Variants in USP48 observed in about 807,000 individuals in gnomAD.
USP48 encodes the protein ubiquitin carboxyl-terminal hydrolase 48.
Under a neutral mutation model 150.7 loss-of-function variants are expected in USP48, and 43 were observed. The observed-to-expected ratio is 0.29, with a 90% CI of 0.22 to 0.37. The LOEUF (loss-of-function observed/expected upper bound fraction) is 0.37, where lower values mean the gene tolerates loss of function less well. Among genes scored for constraint, USP48 ranks in the 10% least tolerant of loss-of-function variants. The pLI, the probability that USP48 is intolerant of heterozygous loss-of-function variation, is 1.00. For missense variants in USP48, 813 were observed against 1,249.6 expected (o/e 0.65, Z 5.27); for synonymous variants, 396 against 425.9 (o/e 0.93, Z 0.86).
intron 8 of USP48, among the ~76,000 whole-genome samples, chr1:21,738,241 A>T (rs975848352): frequency 2.0e-5 from 3 of 151,916 alleles, no homozygotes; most frequent in Non-Finnish European, 4.4e-5. Context: ...TATTTTTAGT[A>T]GAGACGGGGT....
At chr1:21,751,685 C>T (rs1236542947) in intron 5 of USP48, 70 bp from the exon 6 acceptor site, 5 of 1,154,318 alleles carry the variant, frequency 4.3e-6, no homozygotes, top group Non-Finnish European at 5.1e-6. Flanking sequence ...TGTATTACAT[C>T]CTAGAAAGAT....
At chr1:21,781,117 G>A (rs1037634996) in intron 1 of USP48, among the ~76,000 whole-genome samples, 16 of 138,674 alleles carry the variant, frequency 1.2e-4, no homozygotes, top group Non-Finnish European at 1.9e-4. Flanking sequence ...ACGCTGTCTC[G>A]AAAAAAAAAA....
chr1:21,777,458 G>A (rs2152655635), intron 1 of USP48, among the ~76,000 whole-genome samples: 1 of 152,104 alleles, frequency 6.6e-6, no homozygotes, highest in Non-Finnish European at 1.5e-5. Context: ...TGAGGCTAAA[G>A]GTTCAAGGTC....
chr1:21,756,940 A>G, intron 2 of USP48: 1 of 985,418 alleles, frequency 1.0e-6, no homozygotes, highest in Non-Finnish European at 1.2e-6. Flanking sequence ...TCTCTAGCAT[A>G]TCGTCTTCTC....
At chr1:21,732,326 C>T (rs978440892) in intron 9 of USP48, among the ~76,000 whole-genome samples, 7 of 152,082 alleles carry the variant, frequency 4.6e-5, no homozygotes, top group African/African-American at 1.4e-4. Context: ...ATCCAGTTAC[C>T]AGATCCTCAA....
At chr1:21,744,106 C>T (rs2097788385) in intron 8 of USP48, among the ~76,000 whole-genome samples, 1 of 152,142 alleles carries the variant, frequency 6.6e-6, no homozygotes, top group South Asian at 2.1e-4. Flanking sequence ...ACCATTCTTG[C>T]AGATAACCTG....
intron 9 of USP48, among the ~76,000 whole-genome samples, chr1:21,735,990 G>A (rs2097768091): frequency 6.6e-6 from 1 of 152,088 alleles, no homozygotes; most frequent in African/African-American, 2.4e-5. Context: ...CACGAGAACT[G>A]CTTGAACCCA....
At chr1:21,770,426 G>A (rs1320252717) in intron 1 of USP48, among the ~76,000 whole-genome samples, 3 of 151,836 alleles carry the variant, frequency 2.0e-5, no homozygotes, top group Non-Finnish European at 4.4e-5. Flanking sequence ...TTTTGATCTT[G>A]GTGGTAGATA....
At chr1:21,712,703 A>T (rs1015053514) in intron 15 of USP48, among the ~76,000 whole-genome samples, 6 of 144,822 alleles carry the variant, frequency 4.1e-5, no homozygotes, top group African/African-American at 1.6e-4. Flanking sequence ...ATCTTGGCTC[A>T]CTGCAACCTC....
rs1437350006 is a variant in USP48, at chr1:21,689,955, T to G, written c.3009+19A>C. ...CATGTAAAACCTTGAGTTCTTCAGC[T>G]AAGGAGCTGTTTACTTACCTTCAAT... On this transcript the variant is annotated intron_variant, in intron 24 of 26. Transcript: ENST00000308271. The G allele has an allele frequency of 6.2e-7, 1 of 1,612,688 alleles. No individual in the cohort carries two copies. Among genetic ancestry groups the G allele is most frequent in the Non-Finnish European group, 8.5e-7 (1 of 1,179,402 alleles).
intron 26 of USP48, among the ~76,000 whole-genome samples, chr1:21,680,061 T>C (rs1425343070): frequency 1.3e-5 from 2 of 152,226 alleles, no homozygotes; most frequent in African/African-American, 4.8e-5. Flanking sequence ...TTTGTAATGG[T>C]AGCATGCAGA....
At position 21,757,067 on chromosome 1, in the gene USP48, A is replaced by T. The variant is rs574567439; in HGVS notation, c.256-365T>A. The T allele has an allele frequency of 2.6e-5, 24 of 910,120 alleles. No individual in the cohort carries two copies. The South Asian group carries it at 1.2e-3, about 44-fold the overall frequency. The allele number at this position is 910,120 out of a possible 1,614,324, so 56.4% of individuals were successfully genotyped here. A position where few individuals can be genotyped will look rare whatever the true frequency, so the allele number is the denominator to read the frequency against. On this transcript the variant is annotated intron_variant, in intron 2 of 26. Coordinates refer to ENST00000308271, the MANE Select transcript of USP48 (RefSeq NM_032236.8). ...AACTGCCAGCATTCAGCAGAATGAC[A>T]AAGTAAAACTTATGCAGAAAACTTC...
chr1:21,683,352 G>A (rs2097571882), intron 25 of USP48, among the ~76,000 whole-genome samples: 1 of 152,146 alleles, frequency 6.6e-6, no homozygotes, highest in African/African-American at 2.4e-5. Flanking sequence ...GATCACATCA[G>A]GGTATTTAGT....
chr1:21,775,899 C>T (rs2097897025), intron 1 of USP48, among the ~76,000 whole-genome samples: 1 of 152,086 alleles, frequency 6.6e-6, no homozygotes, highest in Admixed American at 6.6e-5. Flanking sequence ...AAACAAATTT[C>T]ACATCAAAAG....
At chr1:21,727,109 G>A (rs1045812708) in intron 11 of USP48, among the ~76,000 whole-genome samples, 4 of 152,132 alleles carry the variant, frequency 2.6e-5, no homozygotes, top group South Asian at 2.1e-4. Context: ...CCAAAAGCAC[G>A]TTCCTACTGA....
chr1:21,737,710 T>C (rs527759362), intron 8 of USP48, among the ~76,000 whole-genome samples: 2 of 152,294 alleles, frequency 1.3e-5, no homozygotes, highest in South Asian at 2.1e-4. Context: ...ACAGTTTTTT[T>C]CCAACAAATA....
Position 21,695,570 on chromosome 1 carries a change from C to T in USP48, c.2728-349G>A, listed in dbSNP as rs1457107824. On this transcript the variant is annotated intron_variant, in intron 22 of 26. Coordinates refer to ENST00000308271, the MANE Select transcript of USP48 (RefSeq NM_032236.8). Reference sequence around the variant, plus strand: ...CCATCTCAACCAAAAATTAGCCAGGCGTGGTGGCATGAGCCTGTAGTCCCA... The same window carrying T: ...CCATCTCAACCAAAAATTAGCCAGGTGTGGTGGCATGAGCCTGTAGTCCCA... Among the ~76,000 whole-genome samples, 3 of 152,156 alleles carry T rather than the reference C, an allele frequency of 2.0e-5. No homozygotes were observed. In the East Asian group the frequency reaches 5.8e-4, roughly 29 times the overall value.
chr1:21,733,532 T>C (rs998412977), intron 9 of USP48, among the ~76,000 whole-genome samples: 1 of 152,194 alleles, frequency 6.6e-6, no homozygotes. Flanking sequence ...CTAATGAAAT[T>C]TAAAAATATT....
At chr1:21,742,370 C>T (rs1380866995) in intron 8 of USP48, among the ~76,000 whole-genome samples, 1 of 151,940 alleles carries the variant, frequency 6.6e-6, no homozygotes, top group Non-Finnish European at 1.5e-5. Flanking sequence ...ATGGTGAAAC[C>T]TTGTCTCTAC....
Sources: gnomAD v4.1 joint callset for allele counts (sites outside exome capture counted in the v4.1 genomes callset) on GRCh38, gnomAD v4.1.1 for gene constraint, MANE v1.5 for transcripts, NCBI Gene and HGNC (gene_info 2026-07-23, HGNC 2026-07-21) for gene names.